Variants in MACROD2 observed in about 807,000 individuals in gnomAD.
The protein encoded by MACROD2 is mono-ADP ribosylhydrolase 2.
A neutral mutation model predicts 70.4 loss-of-function variants in MACROD2; 36 were observed. That is an observed-to-expected ratio of 0.51 (90% CI 0.39 to 0.68). The LOEUF is 0.68. MACROD2 is among the 30% of genes least tolerant of loss of function. MACROD2 has a pLI of 0.00. For missense variants in MACROD2, 496 were observed against 538.4 expected, an observed-to-expected ratio of 0.92 and a Z score of 0.78; for synonymous variants, 172 against 178.8, an observed-to-expected ratio of 0.96 and a Z score of 0.30.
chr20:15,791,476 T>G (rs1193335558), intron 8 of MACROD2, among the ~76,000 whole-genome samples: 3 of 151,964 alleles, frequency 2.0e-5, no homozygotes, highest in African/African-American at 7.2e-5. Context: ...AATATGTTTT[T>G]AATAAAGTCT....
intron 5 of MACROD2, among the ~76,000 whole-genome samples, chr20:15,220,157 C>G (rs1279351110): frequency 2.0e-5 from 3 of 152,106 alleles, no homozygotes; most frequent in Non-Finnish European, 4.4e-5. Context: ...CTTTTCAGCT[C>G]TATAAAATGT....
At chr20:15,151,639 G>A (rs1434949539) in intron 5 of MACROD2, among the ~76,000 whole-genome samples, 1 of 152,072 alleles carries the variant, frequency 6.6e-6, no homozygotes, top group Non-Finnish European at 1.5e-5. Context: ...GCTGCCAAAT[G>A]AGCCATGAAC....
intron 6 of MACROD2, among the ~76,000 whole-genome samples, chr20:15,360,837 A>T (rs911276282): frequency 4.6e-5 from 7 of 151,568 alleles, no homozygotes; most frequent in African/African-American, 1.7e-4. Flanking sequence ...CGTGTGTTTA[A>T]TTTACCATCC....
intron 10 of MACROD2, among the ~76,000 whole-genome samples, chr20:15,932,086 C>T (rs1037615920): frequency 1.3e-5 from 2 of 152,132 alleles, no homozygotes; most frequent in African/African-American, 4.8e-5. Context: ...GTCTCTTCTG[C>T]TCCTTGTGAC....
chr20:15,213,960 G>A (rs893003903), intron 5 of MACROD2, among the ~76,000 whole-genome samples: 13 of 151,624 alleles, frequency 8.6e-5, no homozygotes, highest in African/African-American at 2.9e-4. Flanking sequence ...AACCAGATTG[G>A]TCTTAAATTC....
intron 4 of MACROD2, among the ~76,000 whole-genome samples, chr20:14,585,341 T>C (rs1981304255): frequency 6.6e-6 from 1 of 152,154 alleles, no homozygotes; most frequent in Non-Finnish European, 1.5e-5. Context: ...CTGATCACAC[T>C]GTGCTACCAA....
intron 8 of MACROD2, among the ~76,000 whole-genome samples, chr20:15,601,518 T>C (rs1269727671): frequency 2.0e-5 from 3 of 152,126 alleles, no homozygotes; most frequent in Non-Finnish European, 4.4e-5. Flanking sequence ...AAAGATATGA[T>C]TTAATAGATG....
chr20:14,005,858 C>T (rs1438468387), intron 2 of MACROD2, among the ~76,000 whole-genome samples: 1 of 152,130 alleles, frequency 6.6e-6, no homozygotes, highest in Non-Finnish European at 1.5e-5. Flanking sequence ...ATGTTGGCCT[C>T]CTAAGGTGCT....
chr20:15,714,080 C>A (rs1003754281), intron 8 of MACROD2, among the ~76,000 whole-genome samples: 3 of 151,614 alleles, frequency 2.0e-5, no homozygotes, highest in African/African-American at 7.3e-5. Flanking sequence ...CATGCCCCAC[C>A]AGAAATTCTA....
chr20:14,953,499 G>T (rs138301920), intron 5 of MACROD2, among the ~76,000 whole-genome samples: 3,009 of 152,128 alleles, frequency 0.02, 96 homozygotes, highest in African/African-American at 0.069. Flanking sequence ...GTAGAGATGG[G>T]GTTTCACGTG....
At chr20:15,773,547 C>T (rs938611899) in intron 8 of MACROD2, among the ~76,000 whole-genome samples, 2 of 152,092 alleles carry the variant, frequency 1.3e-5, no homozygotes, top group Admixed American at 1.3e-4. Context: ...GATCAATTCC[C>T]TGTTAACTCA....
intron 5 of MACROD2, among the ~76,000 whole-genome samples, chr20:14,720,600 T>C (rs1187331239): frequency 2.2e-5 from 3 of 133,880 alleles, no homozygotes; most frequent in Non-Finnish European, 3.1e-5. Flanking sequence ...TGTTGCCAGG[T>C]TGGTGTGCTG....
At chr20:14,386,066 A>ATAATAT (rs2083464977) in intron 3 of MACROD2, among the ~76,000 whole-genome samples, 9 of 152,206 alleles carry the variant, frequency 5.9e-5, no homozygotes, top group Admixed American at 5.9e-4. Context: ...CCCTTTGTTA[A>ATAATAT]ATGCACTTAA....
At chr20:14,506,014 G>T (rs528818039) in intron 4 of MACROD2, among the ~76,000 whole-genome samples, 40 of 152,258 alleles carry the variant, frequency 2.6e-4, no homozygotes, top group African/African-American at 9.4e-4. Flanking sequence ...TCTCCATTTG[G>T]TTGTGTGGAA....
chr20:14,763,111 A>G lies in MACROD2; in HGVS notation c.418+78152A>G, dbSNP rs140824036. Among the ~76,000 whole-genome samples, 138 of 152,228 alleles carry G rather than the reference A, an allele frequency of 9.1e-4. 3 individuals carry two copies. The East Asian group carries it at 0.024, about 27-fold the overall frequency. On this transcript the variant is annotated intron_variant, in intron 5 of 17. Coordinates refer to ENST00000684519, the MANE Select transcript of MACROD2 (RefSeq NM_001351661.2). The stretch of plus-strand genomic sequence containing the variant: ...AAAGTGATCCAGGAAGTGGATGTTA[A>G]GGAATGAATGAAAATGCAGAGAAAA...
At chr20:14,579,485 G>A (rs939495900) in intron 4 of MACROD2, among the ~76,000 whole-genome samples, 10 of 152,260 alleles carry the variant, frequency 6.6e-5, no homozygotes, top group African/African-American at 2.2e-4. Flanking sequence ...AAGTGCAAAT[G>A]ACATTTTATA....
intron 3 of MACROD2, among the ~76,000 whole-genome samples, chr20:14,370,396 T>G (rs917858616): frequency 6.6e-6 from 1 of 152,116 alleles, no homozygotes; most frequent in African/African-American, 2.4e-5. Flanking sequence ...AAGGGCAAAA[T>G]TTTGTTTGGG....
chr20:14,106,752 G>T (rs1272500882), intron 3 of MACROD2, among the ~76,000 whole-genome samples: 1 of 152,104 alleles, frequency 6.6e-6, no homozygotes, highest in Non-Finnish European at 1.5e-5. Context: ...AGTTTGTTTG[G>T]GGGAAAGTAA....
intron 3 of MACROD2, among the ~76,000 whole-genome samples, chr20:14,428,811 G>T (rs770192358): frequency 1.5e-4 from 23 of 152,226 alleles, no homozygotes; most frequent in Middle Eastern, 3.4e-3. Flanking sequence ...TAACTAGAAT[G>T]AATAAGAACT....
Sources: allele counts gnomAD v4.1 joint callset (sites outside exome capture counted in the v4.1 genomes callset), GRCh38; gene constraint gnomAD v4.1.1; transcripts MANE v1.5; gene names NCBI Gene and HGNC (gene_info 2026-07-23, HGNC 2026-07-21).